ANKRD13C: variants seen among roughly 807,000 people sequenced by gnomAD.
ANKRD13C encodes ankyrin repeat domain 13C, also known as ankyrin repeat domain-containing protein 13C.
In ANKRD13C, 16 loss-of-function variants were observed where a neutral mutation model predicts 65.5. The ratio of observed to expected loss-of-function variants is 0.24; its 90% CI spans 0.17 to 0.37. The LOEUF (loss-of-function observed/expected upper bound fraction) is 0.37. ANKRD13C is among the 10% of genes least tolerant of loss of function. ANKRD13C has a pLI of 1.00. For missense variants in ANKRD13C, 503 were observed against 655.9 expected, an observed-to-expected ratio of 0.77 and a Z score of 2.55; for synonymous variants, 235 against 238.7, an observed-to-expected ratio of 0.98 and a Z score of 0.14.
intron 12 of ANKRD13C, among the ~76,000 whole-genome samples, chr1:70,266,042 TGACAGTATA>T (rs1455573621): frequency 6.6e-6 from 1 of 151,994 alleles, no homozygotes; most frequent in Non-Finnish European, 1.5e-5. Context: ...ATCAGGATAT[TGACAGTATA>T]GTAAAACATG....
chr1:70,265,631 G>A (rs1041332838), intron 12 of ANKRD13C, among the ~76,000 whole-genome samples: 8 of 151,500 alleles, frequency 5.3e-5, no homozygotes, highest in South Asian at 2.1e-4. Context: ...AGACCAGCCC[G>A]GGCAACAAAG....
intron 6 of ANKRD13C, among the ~76,000 whole-genome samples, chr1:70,301,425 A>C (rs1297579869): frequency 6.6e-6 from 1 of 152,186 alleles, no homozygotes; most frequent in Non-Finnish European, 1.5e-5. Flanking sequence ...AGTATTTAAG[A>C]CCAGACAGCA....
At chr1:70,320,946 C>G (rs1681281572) in intron 3 of ANKRD13C, among the ~76,000 whole-genome samples, 1 of 151,934 alleles carries the variant, frequency 6.6e-6, no homozygotes, top group South Asian at 2.1e-4. Flanking sequence ...CACACTACCA[C>G]ACCAGCTAAT....
At chr1:70,341,722 C>A (rs927060099) in intron 1 of ANKRD13C, among the ~76,000 whole-genome samples, 2 of 152,024 alleles carry the variant, frequency 1.3e-5, no homozygotes, top group African/African-American at 4.8e-5. Context: ...TCTTTCTTAC[C>A]TTCTTCTAGA....
At chr1:70,302,725 C>CAAAAAAAAAAAA (rs11359618) in intron 6 of ANKRD13C, among the ~76,000 whole-genome samples, 1 of 32,164 alleles carries the variant, frequency 3.1e-5, no homozygotes, top group African/African-American at 1.7e-4. Flanking sequence ...GACTCCGTCT[C>CAAAAAAAAAAAA]AAAAAAAAAA....
At chr1:70,330,574 C>CAAAAAAAAAAAAAAAAACA (rs1681744221) in intron 2 of ANKRD13C, among the ~76,000 whole-genome samples, 1 of 68,392 alleles carries the variant, frequency 1.5e-5, no homozygotes, top group Non-Finnish European at 2.8e-5. Context: ...ACAAACAAAC[C>CAAAAAAAAAAAAAAAAACA]AAAAAAAAAA....
chr1:70,354,662 G>T lies in ANKRD13C; in HGVS notation c.-254C>A. On this transcript the variant is annotated 5_prime_UTR_variant, in exon 1 of 13. Coordinates refer to ENST00000370944, the MANE Select transcript of ANKRD13C (RefSeq NM_030816.5). ...ACGACACCAGGATCTCAGTCTCGCCGTCGCAGCCGCCGTCGCTGCCTTACA... is the reference window on the plus strand; with the variant it reads ...ACGACACCAGGATCTCAGTCTCGCCTTCGCAGCCGCCGTCGCTGCCTTACA... The T allele has an allele frequency of 1.1e-6, 1 of 895,234 alleles. No homozygotes were observed. 55.5% of individuals were successfully genotyped at this position (895,234 alleles called of 1,614,324 possible).
intron 8 of ANKRD13C, among the ~76,000 whole-genome samples, chr1:70,294,243 A>G (rs1427734673): frequency 2.0e-5 from 3 of 152,224 alleles, no homozygotes; most frequent in Non-Finnish European, 4.4e-5. Context: ...ACATATGGAG[A>G]GCATAAAAAA....
chr1:70,333,309 A>C (rs1681888221), intron 2 of ANKRD13C, among the ~76,000 whole-genome samples: 1 of 152,070 alleles, frequency 6.6e-6, no homozygotes, highest in African/African-American at 2.4e-5. Flanking sequence ...CTAAAGTTCC[A>C]ATCCAATGTT....
In ANKRD13C at chr1:70,297,286, G is replaced by GGTTTTTTTTTTTTTTTTT. The variant is rs1558281019; in HGVS notation, c.922-1026_922-1025insAAAAAAAAAAAAAAAAAC. On this transcript the variant is annotated intron_variant, in intron 7 of 12. Transcript: ENST00000370944. ...TTTAACCTACATAGAGTCCCTTTCT[G>GGTTTTTTTTTTTTTTTTT]ATTTTTTTTTTTTTTTTTTTTTTTT... 7.2e-5 allele frequency among the ~76,000 whole-genome samples: 9 copies of GGTTTTTTTTTTTTTTTTT among 125,096 alleles called. 1 individual carries two copies. The highest frequency in any genetic ancestry group is 1.8e-4 in the African/African-American group (6 of 33,376). The allele number at this position is 125,096 out of a possible 152,430, so 82.1% of individuals were successfully genotyped here. A position where few individuals can be genotyped will look rare whatever the true frequency, so the allele number is the denominator to read the frequency against.
chr1:70,295,260 T>A (rs913107721), intron 8 of ANKRD13C, among the ~76,000 whole-genome samples: 1 of 151,838 alleles, frequency 6.6e-6, no homozygotes, highest in Non-Finnish European at 1.5e-5. Context: ...TATTTATTTA[T>A]TTTTTTTGAG....
chr1:70,263,464 TAAG>T (rs1420000741), intron 12 of ANKRD13C, among the ~76,000 whole-genome samples: 1 of 152,152 alleles, frequency 6.6e-6, no homozygotes, highest in Non-Finnish European at 1.5e-5. Context: ...AATGATTACA[TAAG>T]AATCAGAAAG....
In ANKRD13C at chr1:70,345,035, T is replaced by TA. The variant is rs544857779; in HGVS notation, c.431-8937dup. Among the ~76,000 whole-genome samples, 50 of 152,334 alleles carry TA rather than the reference T, an allele frequency of 3.3e-4. 1 individual carries two copies. The South Asian group carries it at 8.9e-3, about 27-fold the overall frequency. The stretch of plus-strand genomic sequence containing the variant: ...TAACAGAAGACAGCAGCTAGGTTTT[T>TA]ATATATGCTTTGCACAAATTCACAG... On this transcript the variant is annotated intron_variant, in intron 1 of 12. Coordinates refer to ENST00000370944, the MANE Select transcript of ANKRD13C (RefSeq NM_030816.5).
intron 2 of ANKRD13C, among the ~76,000 whole-genome samples, chr1:70,334,987 CA>C (rs1165852232): frequency 2.0e-5 from 3 of 152,026 alleles, no homozygotes; most frequent in African/African-American, 7.2e-5. Flanking sequence ...CAAATGTTTA[CA>C]CTGACAGATA....
At chr1:70,351,080 G>A (rs976883727) in intron 1 of ANKRD13C, among the ~76,000 whole-genome samples, 3 of 152,260 alleles carry the variant, frequency 2.0e-5, no homozygotes, top group Admixed American at 2.0e-4. Flanking sequence ...AGCATCACTT[G>A]AACCCGGGAG....
At chr1:70,269,016 T>C (rs926094863) in intron 12 of ANKRD13C, among the ~76,000 whole-genome samples, 4 of 151,486 alleles carry the variant, frequency 2.6e-5, no homozygotes, top group African/African-American at 4.9e-5. Context: ...ATTAGGTATA[T>C]CTCCCAATGC....
chr1:70,303,215 C>G (rs1199514012), intron 6 of ANKRD13C, among the ~76,000 whole-genome samples: 1 of 152,070 alleles, frequency 6.6e-6, no homozygotes, highest in East Asian at 1.9e-4. Context: ...ATTAGATGAC[C>G]TGGTAAGCTG....
chr1:70,351,588 CG>C (rs1183263327), intron 1 of ANKRD13C, among the ~76,000 whole-genome samples: 1 of 151,990 alleles, frequency 6.6e-6, no homozygotes, highest in East Asian at 1.9e-4. Flanking sequence ...TCAGTAGAGA[CG>C]GGGTTTCACT....
At chr1:70,295,575 GTCTTATATAACC>G (rs1680047832) in intron 8 of ANKRD13C, among the ~76,000 whole-genome samples, 3 of 152,146 alleles carry the variant, frequency 2.0e-5, no homozygotes, top group South Asian at 4.2e-4. Flanking sequence ...TATTTGAATA[GTCTTATATAACC>G]TCTTGCTGAC....
Sources: gnomAD v4.1 joint callset for allele counts (sites outside exome capture counted in the v4.1 genomes callset) on GRCh38, gnomAD v4.1.1 for gene constraint, MANE v1.5 for transcripts, NCBI Gene and HGNC (gene_info 2026-07-23, HGNC 2026-07-21) for gene names.